The following WIPF3 variants were observed in gnomAD, a reference collection of about 807,000 sequenced individuals.
WIPF3 encodes the protein WAS/WASL-interacting protein family member 3.
Under a neutral mutation model 38.9 loss-of-function variants are expected in WIPF3, and 33 were observed. The ratio of observed to expected loss-of-function variants is 0.85; its 90% CI spans 0.64 to 1.14. The LOEUF is 1.14. WIPF3 is among the 50% of genes most tolerant of loss of function. The probability of loss-of-function intolerance (pLI) is 0.00; values close to 1 mark genes in which losing one functional copy is unlikely to be tolerated. For synonymous variants in WIPF3, 324 were observed against 269.3 expected (o/e 1.20, Z -1.99); for missense variants, 711 against 652.5 (o/e 1.09, Z -0.98).
At chr7:29,813,155 A>G (rs1784405954) in intron 1 of WIPF3, among the ~76,000 whole-genome samples, 1 of 152,126 alleles carries the variant, frequency 6.6e-6, no homozygotes, top group Non-Finnish European at 1.5e-5. Flanking sequence ...CCAGACATCC[A>G]ATCTGATTTC....
intron 1 of WIPF3, among the ~76,000 whole-genome samples, chr7:29,814,834 T>C (rs1019846883): frequency 2.0e-5 from 3 of 152,204 alleles, no homozygotes; most frequent in Non-Finnish European, 2.9e-5. Flanking sequence ...TACATCAGTA[T>C]TGAAACACCA....
chr7:29,869,952 T>C (rs1439074333), intron 2 of WIPF3, among the ~76,000 whole-genome samples: 1 of 152,210 alleles, frequency 6.6e-6, no homozygotes, highest in Non-Finnish European at 1.5e-5. Context: ...TAATGAGGCC[T>C]CTGATTTTCT....
rs1373707065 is a variant in WIPF3 at position 29,854,593 on chromosome 7, C to T, written c.90+19779C>T. 2.3e-4 allele frequency among the ~76,000 whole-genome samples: 35 copies of T among 152,170 alleles called. 1 individual carries two copies. Among genetic ancestry groups the T allele is most frequent in the Admixed American group, 2.3e-3 (35 of 15,282 alleles). On this transcript the variant is annotated intron_variant, in intron 2 of 8. Transcript: ENST00000242140. Reference sequence around the variant, plus strand: ...CCACTGAGGTGTACAGACTCCCCTGCAGCAGAAGTGACCTGGGCCAGGTCG... The same window carrying T: ...CCACTGAGGTGTACAGACTCCCCTGTAGCAGAAGTGACCTGGGCCAGGTCG...
At chr7:29,884,619 C>A in intron 5 of WIPF3, 26 bp downstream of exon 5, 1 of 1,580,450 alleles carries the variant, frequency 6.3e-7, no homozygotes, top group Admixed American at 1.9e-5. Context: ...TGGCCCAGTG[C>A]CCCTGGTGGA....
chr7:29,832,873 A>C (rs1784743910), intron 1 of WIPF3, among the ~76,000 whole-genome samples: 1 of 152,258 alleles, frequency 6.6e-6, no homozygotes, highest in African/African-American at 2.4e-5. Context: ...AGATATTTGT[A>C]CACCAATGTT....
In WIPF3 at chr7:29,823,707, G is replaced by T. The variant is rs1023654093; in HGVS notation, c.-57-10961G>T. Among the ~76,000 whole-genome samples, 2 of 152,160 alleles carry T rather than the reference G, an allele frequency of 1.3e-5. No homozygotes were observed. Among genetic ancestry groups the T allele is most frequent in the African/African-American group, 2.4e-5 (1 of 41,426 alleles). ...GGGCCTGGTGGCAGGTGATTGGATC[G>T]TGGGCGGTTTCTCATTATTGGTTTA... On this transcript the variant is annotated intron_variant, in intron 1 of 8. Coordinates refer to ENST00000242140, the MANE Select transcript of WIPF3 (RefSeq NM_001080529.3). This position sits in a 1 kb window ranked among gnomAD's most constrained non-coding sequence, Gnocchi z 4.0.
intron 1 of WIPF3, among the ~76,000 whole-genome samples, chr7:29,832,859 G>A (rs1784743794): frequency 6.6e-6 from 1 of 152,206 alleles, no homozygotes. Flanking sequence ...GCAAGGTCTT[G>A]AAGAGATATT....
intron 2 of WIPF3, among the ~76,000 whole-genome samples, chr7:29,872,780 CAG>C (rs1210814806): frequency 9.1e-6 from 1 of 109,884 alleles, no homozygotes; most frequent in Non-Finnish European, 1.7e-5. Flanking sequence ...ACCTGGGCGA[CAG>C]AGTGAGACTC....
chr7:29,868,414 A>G (rs1785430156), intron 2 of WIPF3, among the ~76,000 whole-genome samples: 1 of 152,124 alleles, frequency 6.6e-6, no homozygotes, highest in Non-Finnish European at 1.5e-5. Flanking sequence ...GGAGTTAATT[A>G]GCACTTTAAA....
At chr7:29,832,473 C>T (rs1372817448) in intron 1 of WIPF3, among the ~76,000 whole-genome samples, 1 of 152,176 alleles carries the variant, frequency 6.6e-6, no homozygotes, top group Non-Finnish European at 1.5e-5. Context: ...ACGTACTACC[C>T]CATGAGATCT....
intron 8 of WIPF3, among the ~76,000 whole-genome samples, chr7:29,910,428 G>A (rs1024878512): frequency 3.3e-5 from 5 of 152,040 alleles, no homozygotes; most frequent in African/African-American, 1.2e-4. Context: ...TATTCTATGA[G>A]ACCAGCATTA....
At chr7:29,822,721 C>T (rs145248374) in intron 1 of WIPF3, among the ~76,000 whole-genome samples, 31 of 152,288 alleles carry the variant, frequency 2.0e-4, no homozygotes, top group African/African-American at 7.0e-4. Context: ...AGCAATGAAC[C>T]GTCCTGTCTC....
rs924621207 is a variant in WIPF3 at position 29,882,697 on chromosome 7, G to A, written c.356-1153G>A. Among the ~76,000 whole-genome samples, 13 of 152,166 alleles carry A rather than the reference G, an allele frequency of 8.5e-5. 1 individual carries two copies. The highest frequency in any genetic ancestry group is 4.2e-4 in the South Asian group (2 of 4,814). On this transcript the variant is annotated intron_variant, in intron 4 of 8. Transcript: ENST00000242140. ...GCAAATCTCAGAACCCCCAACAGAT[G>A]CTGGGATTTCTAATCTGAAATGAAA...
chr7:29,839,539 G>T (rs2128066395), intron 2 of WIPF3, among the ~76,000 whole-genome samples: 1 of 152,290 alleles, frequency 6.6e-6, no homozygotes, highest in South Asian at 2.1e-4. Flanking sequence ...GTCACCCTGT[G>T]GTAATCTGCC....
chr7:29,851,254 A>G (rs1363786473), intron 2 of WIPF3, among the ~76,000 whole-genome samples: 1 of 152,114 alleles, frequency 6.6e-6, no homozygotes, highest in Non-Finnish European at 1.5e-5. Context: ...CCCTTTCCCC[A>G]GGGCTCTGCA....
chr7:29,853,347 G>A (rs1341645318), intron 2 of WIPF3, among the ~76,000 whole-genome samples: 3 of 152,214 alleles, frequency 2.0e-5, no homozygotes, highest in African/African-American at 7.2e-5. Flanking sequence ...GGCTGAGCAG[G>A]TGTGCATGGG....
intron 4 of WIPF3, among the ~76,000 whole-genome samples, chr7:29,879,703 T>G (rs1348337217): frequency 6.6e-6 from 1 of 152,226 alleles, no homozygotes; most frequent in Non-Finnish European, 1.5e-5. Flanking sequence ...ATCTTATATT[T>G]CTCATATTTT....
chr7:29,878,607 T>C lies in WIPF3; in HGVS notation c.224-402T>C, dbSNP rs1325982498. Among the ~76,000 whole-genome samples, 1 of 152,174 alleles carries C rather than the reference T, an allele frequency of 6.6e-6. No homozygotes were observed. Among genetic ancestry groups the C allele is most frequent in the Non-Finnish European group, 1.5e-5 (1 of 68,020 alleles). On this transcript the variant is annotated intron_variant, in intron 3 of 8. Transcript: ENST00000242140. The surrounding 1 kb of genome is among the most constrained non-coding windows in gnomAD (Gnocchi z 4.0). ...AAAATGACTGACTGAATTAAATCTG[T>C]GGGTTTTCTTTGTCTAGTCCTCCAT...
chr7:29,910,232 AG>A (rs1333444266), intron 8 of WIPF3, among the ~76,000 whole-genome samples: 1 of 152,180 alleles, frequency 6.6e-6, no homozygotes, highest in Non-Finnish European at 1.5e-5. Flanking sequence ...ACAAAAAAAA[AG>A]AAATAGAAAA....
Sources: gnomAD v4.1 joint callset for allele counts (sites outside exome capture counted in the v4.1 genomes callset) on GRCh38, gnomAD v4.1.1 for gene constraint, Gnocchi (gnomAD v3.1) non-coding constraint, MANE v1.5 for transcripts, NCBI Gene and HGNC (gene_info 2026-07-23, HGNC 2026-07-21) for gene names.